Variants in TMBIM4 observed in about 807,000 individuals in gnomAD.
The protein encoded by TMBIM4 is transmembrane BAX inhibitor motif containing 4.
A neutral mutation model predicts 27.7 loss-of-function variants in TMBIM4; 28 were observed. The observed-to-expected ratio is 1.01, with a 90% CI of 0.75 to 1.38. The LOEUF is 1.38. Ranked by LOEUF, TMBIM4 falls within the 40% of genes most tolerant of loss-of-function variation. TMBIM4 has a pLI of 0.00. For synonymous variants in TMBIM4, 115 were observed against 113.1 expected (o/e 1.02, Z -0.11); for missense variants, 265 against 277.5 (o/e 0.95, Z 0.32).
At chr12:66,141,908 A>G (rs1312547223) in intron 5 of TMBIM4, among the ~76,000 whole-genome samples, 2 of 152,298 alleles carry the variant, frequency 1.3e-5, no homozygotes, top group East Asian at 1.9e-4. Flanking sequence ...CCCCTCTCAC[A>G]TTGATAAAAC....
At chr12:66,155,486 C>T (rs138377389) in intron 1 of TMBIM4, among the ~76,000 whole-genome samples, 1 of 152,246 alleles carries the variant, frequency 6.6e-6, no homozygotes, top group Non-Finnish European at 1.5e-5. Context: ...ACTACAGGTG[C>T]ATGCCACTAC....
chr12:66,155,947 A>G (rs1298555970), intron 1 of TMBIM4, among the ~76,000 whole-genome samples: 1 of 152,204 alleles, frequency 6.6e-6, no homozygotes, highest in Non-Finnish European at 1.5e-5. Flanking sequence ...AGCAGTATGT[A>G]TTACTATTGC....
intron 1 of TMBIM4, among the ~76,000 whole-genome samples, chr12:66,166,464 C>CAAAAAA (rs59822799): frequency 1.9e-3 from 191 of 98,950 alleles, no homozygotes; most frequent in East Asian, 3.1e-3. Flanking sequence ...TACTTTGTCT[C>CAAAAAA]AAAAAAAAAA....
In TMBIM4 at chr12:66,137,841, ATT is replaced by A. The variant is rs1323572416; in HGVS notation, c.*117_*118del. ...ATAAAGATTGTAACAGTATTTAATC[ATT>A]GTTTCAAACTTTATTACTTAATGAA... On this transcript the variant is annotated 3_prime_UTR_variant, in exon 7 of 7. Transcript: ENST00000358230. 5 of 313,928 alleles carry A rather than the reference ATT, an allele frequency of 1.6e-5. No individual in the cohort carries two copies. Among genetic ancestry groups the A allele is most frequent in the Admixed American group, 9.6e-5 (2 of 20,918 alleles). The allele number at this position is 313,928 out of a possible 1,614,324, so 19.4% of individuals were successfully genotyped here.
At chr12:66,141,855 TAAGA>T (rs2051674433) in intron 5 of TMBIM4, among the ~76,000 whole-genome samples, 1 of 152,158 alleles carries the variant, frequency 6.6e-6, no homozygotes, top group African/African-American at 2.4e-5. Context: ...AGAATTTACA[TAAGA>T]AATAGACCAA....
intron 2 of TMBIM4, 133 bp from the exon 3 acceptor site, chr12:66,152,509 A>C (rs2051862712): frequency 2.1e-6 from 1 of 485,102 alleles, no homozygotes; most frequent in Non-Finnish European, 3.5e-6. Context: ...GATCCACACC[A>C]AACTATCAAA....
chr12:66,165,300 T>G (rs1472134228), intron 1 of TMBIM4, among the ~76,000 whole-genome samples: 1 of 152,184 alleles, frequency 6.6e-6, no homozygotes, highest in Non-Finnish European at 1.5e-5. Context: ...CATTCCTGAT[T>G]TCAAAACTTA....
intron 4 of TMBIM4, among the ~76,000 whole-genome samples, chr12:66,147,698 TTTTTC>T (rs2136857639): frequency 6.6e-6 from 1 of 152,318 alleles, no homozygotes; most frequent in Admixed American, 6.5e-5. Flanking sequence ...ATTCCTTTTA[TTTTTC>T]TTTTCCACTT....
At chr12:66,161,460 C>T (rs1014688545) in intron 1 of TMBIM4, among the ~76,000 whole-genome samples, 2 of 152,160 alleles carry the variant, frequency 1.3e-5, no homozygotes, top group South Asian at 2.1e-4. Context: ...AGGCTAGTCT[C>T]GAACTTACGC....
intron 1 of TMBIM4, among the ~76,000 whole-genome samples, chr12:66,161,588 C>G (rs147812781): frequency 6.6e-6 from 1 of 152,046 alleles, no homozygotes; most frequent in African/African-American, 2.4e-5. Context: ...AGTAACGCAC[C>G]GAAGACAAAT....
intron 1 of TMBIM4, among the ~76,000 whole-genome samples, chr12:66,155,621 C>T (rs1446893428): frequency 6.6e-6 from 1 of 152,090 alleles, no homozygotes; most frequent in African/African-American, 2.4e-5. Context: ...CAGGAGCCAC[C>T]GTGACTGGCC....
intron 1 of TMBIM4, among the ~76,000 whole-genome samples, chr12:66,158,024 A>G (rs1448561949): frequency 6.6e-6 from 1 of 151,886 alleles, no homozygotes; most frequent in East Asian, 1.9e-4. Context: ...TAGGAGATCA[A>G]GACCATCCTC....
chr12:66,148,679 G>A (rs934167187), intron 3 of TMBIM4, among the ~76,000 whole-genome samples: 5 of 152,226 alleles, frequency 3.3e-5, no homozygotes, highest in East Asian at 3.9e-4. Flanking sequence ...TAGCAGAAGC[G>A]TGGGCCCTTG....
chr12:66,155,194 A>AT (rs1018147635), intron 1 of TMBIM4, among the ~76,000 whole-genome samples: 1 of 151,942 alleles, frequency 6.6e-6, no homozygotes, highest in Admixed American at 6.6e-5. Context: ...CCTGCAAGGG[A>AT]TTTTCTGGGC....
chr12:66,157,916 C>T (rs1299280234), intron 1 of TMBIM4, among the ~76,000 whole-genome samples: 1 of 152,104 alleles, frequency 6.6e-6, no homozygotes, highest in Non-Finnish European at 1.5e-5. Flanking sequence ...AAGAGATACA[C>T]AGCTAAAGGA....
intron 5 of TMBIM4, 163 bp from the exon 6 acceptor site, chr12:66,138,932 G>A: frequency 9.5e-7 from 1 of 1,050,456 alleles, no homozygotes. Context: ...TGCCCATCTT[G>A]GATCTTTTTT....
chr12:66,162,184 T>C (rs541424115), intron 1 of TMBIM4, among the ~76,000 whole-genome samples: 1 of 152,278 alleles, frequency 6.6e-6, no homozygotes, highest in Admixed American at 6.5e-5. Context: ...ATGAATTCCC[T>C]TCACAAACAG....
At chr12:66,141,256 G>C (rs1444166171) in intron 5 of TMBIM4, among the ~76,000 whole-genome samples, 4 of 151,966 alleles carry the variant, frequency 2.6e-5, no homozygotes, top group African/African-American at 9.7e-5. Flanking sequence ...ATAATTTTTA[G>C]TGCAAAAATA....
At chr12:66,167,589 AAAAG>A (rs548344342) in intron 1 of TMBIM4, among the ~76,000 whole-genome samples, 3 of 152,372 alleles carry the variant, frequency 2.0e-5, no homozygotes, top group African/African-American at 4.8e-5. Flanking sequence ...TTTCATTTTA[AAAAG>A]AAAGAAAAGA....
Sources: gnomAD v4.1 joint callset for allele counts (sites outside exome capture counted in the v4.1 genomes callset) on GRCh38, gnomAD v4.1.1 for gene constraint, MANE v1.5 for transcripts, NCBI Gene and HGNC (gene_info 2026-07-23, HGNC 2026-07-21) for gene names.